The following GABRG1 variants were observed in gnomAD, a reference collection of about 807,000 sequenced individuals.
GABRG1 encodes gamma-aminobutyric acid type A receptor subunit gamma1.
In GABRG1, 49 loss-of-function variants were observed where a neutral mutation model predicts 49.8. That is an observed-to-expected ratio of 0.98 (90% CI 0.78 to 1.25). GABRG1 has a LOEUF of 1.25. GABRG1 is among the 50% of genes most tolerant of loss of function. GABRG1 has a pLI of 0.00. For synonymous variants in GABRG1, 232 were observed against 185.1 expected (o/e 1.25, Z -2.06); for missense variants, 552 against 552.3 (o/e 1.00, Z 0.01).
intron 5 of GABRG1, among the ~76,000 whole-genome samples, chr4:46,062,608 G>A (rs1322616222): frequency 6.6e-6 from 1 of 152,106 alleles, no homozygotes; most frequent in African/African-American, 2.4e-5. Context: ...CTTTTGATTT[G>A]CATTTCTCCA....
At chr4:46,088,056 C>T (rs1719846131) in intron 2 of GABRG1, among the ~76,000 whole-genome samples, 1 of 151,984 alleles carries the variant, frequency 6.6e-6, no homozygotes, top group African/African-American at 2.4e-5. Flanking sequence ...CCAGTGCTTC[C>T]AAAAATGGTC....
chr4:46,051,072 A>G (rs1718198564), intron 8 of GABRG1, among the ~76,000 whole-genome samples: 1 of 151,908 alleles, frequency 6.6e-6, no homozygotes, highest in African/African-American at 2.4e-5. Flanking sequence ...TTAAAGAGGA[A>G]TCTTCATCAC....
intron 2 of GABRG1, among the ~76,000 whole-genome samples, chr4:46,085,086 GA>G (rs985978574): frequency 2.0e-5 from 3 of 151,130 alleles, no homozygotes; most frequent in African/African-American, 4.8e-5. Context: ...TATAATAAGA[GA>G]TTTTTTTTTT....
At chr4:46,095,464 C>G (rs1019394445) in intron 2 of GABRG1, among the ~76,000 whole-genome samples, 1 of 151,546 alleles carries the variant, frequency 6.6e-6, no homozygotes, top group South Asian at 2.1e-4. Context: ...AATTGAACAG[C>G]TCTGAAACAT....
intron 3 of GABRG1, among the ~76,000 whole-genome samples, chr4:46,067,023 G>A (rs1051891047): frequency 6.6e-6 from 1 of 151,620 alleles, no homozygotes; most frequent in African/African-American, 2.4e-5. Flanking sequence ...TGCACTTGAT[G>A]TCGTATTAGC....
At chr4:46,113,113 T>A (rs1435889344) in intron 1 of GABRG1, among the ~76,000 whole-genome samples, 1 of 151,200 alleles carries the variant, frequency 6.6e-6, no homozygotes, top group Non-Finnish European at 1.5e-5. Context: ...CTATTTGCTC[T>A]TCTATCCAAA....
At position 46,040,776 on chromosome 4, in the gene GABRG1, C is replaced by T. The variant is rs1407494584; in HGVS notation, c.*212G>A. 7.4e-6 allele frequency: 3 copies of T among 405,728 alleles called. No homozygotes were observed. The highest frequency in any genetic ancestry group is 8.3e-5 in the Admixed American group (2 of 24,058). 25.1% of individuals were successfully genotyped at this position (405,728 alleles called of 1,614,324 possible). Reference sequence around the variant, plus strand: ...AGTAAAAATATGTGAGTATTTTAACCTACTGGATTTTGCAACTAATCAGTT... The same window carrying T: ...AGTAAAAATATGTGAGTATTTTAACTTACTGGATTTTGCAACTAATCAGTT... On this transcript the variant is annotated 3_prime_UTR_variant, in exon 9 of 9. Coordinates refer to ENST00000295452, the MANE Select transcript of GABRG1 (RefSeq NM_173536.4).
At chr4:46,099,149 C>T (rs569354720) in intron 1 of GABRG1, among the ~76,000 whole-genome samples, 1 of 151,772 alleles carries the variant, frequency 6.6e-6, no homozygotes, top group East Asian at 2.0e-4. Context: ...TCTCACCCTA[C>T]TAACTTTTAA....
intron 7 of GABRG1, among the ~76,000 whole-genome samples, chr4:46,051,897 AT>A (rs988489339): frequency 1.3e-4 from 20 of 151,888 alleles, no homozygotes; most frequent in African/African-American, 3.9e-4. Flanking sequence ...CTCCATTGTA[AT>A]AGAATATCAA....
At chr4:46,060,565 G>A (rs1019307357) in intron 5 of GABRG1, among the ~76,000 whole-genome samples, 10 of 152,028 alleles carry the variant, frequency 6.6e-5, no homozygotes, top group African/African-American at 1.9e-4. Context: ...GTTTTCAACC[G>A]AAAGATTGGT....
intron 8 of GABRG1, among the ~76,000 whole-genome samples, chr4:46,042,074 A>C (rs1371214540): frequency 6.6e-6 from 1 of 152,038 alleles, no homozygotes; most frequent in African/African-American, 2.4e-5. Flanking sequence ...TTTCTTCTGT[A>C]CAAAAATGGC....
At chr4:46,050,227 G>T (rs1434178724) in intron 8 of GABRG1, among the ~76,000 whole-genome samples, 1 of 151,898 alleles carries the variant, frequency 6.6e-6, no homozygotes, top group Non-Finnish European at 1.5e-5. Flanking sequence ...GGAGTCACTG[G>T]CTAATTCTAC....
chr4:46,064,727 T>C (rs914425965), intron 4 of GABRG1, among the ~76,000 whole-genome samples: 2 of 152,098 alleles, frequency 1.3e-5, no homozygotes, highest in Admixed American at 1.3e-4. Flanking sequence ...CAATTTCCTC[T>C]TCAGTCAACT....
chr4:46,099,147 T>G (rs1391175), intron 1 of GABRG1, among the ~76,000 whole-genome samples: 1 of 151,624 alleles, frequency 6.6e-6, no homozygotes, highest in Non-Finnish European at 1.5e-5. Flanking sequence ...CTTCTCACCC[T>G]ACTAACTTTT....
Position 46,040,980 on chromosome 4 carries a change from A to C in GABRG1, c.*8T>G. The C allele has an allele frequency of 6.2e-7, 1 of 1,602,544 alleles. No individual in the cohort carries two copies. The highest frequency in any genetic ancestry group is 8.5e-7 in the Non-Finnish European group (1 of 1,174,146). On this transcript the variant is annotated 3_prime_UTR_variant, in exon 9 of 9. Transcript: ENST00000295452. ...GACTTCTTTTGATTTTTGCTTATGA[A>C]GTAGATTTTATAAGTAAAGATAGCC...
intron 1 of GABRG1, among the ~76,000 whole-genome samples, chr4:46,098,015 G>C (rs1359751090): frequency 6.6e-6 from 1 of 151,636 alleles, no homozygotes; most frequent in Non-Finnish European, 1.5e-5. Context: ...TTTACTAGAA[G>C]TGATATTGGG....
At chr4:46,093,226 G>C (rs796495849) in intron 2 of GABRG1, among the ~76,000 whole-genome samples, 1 of 151,802 alleles carries the variant, frequency 6.6e-6, no homozygotes, top group Non-Finnish European at 1.5e-5. Context: ...TGTAACCATC[G>C]CAAAGAAAAT....
chr4:46,071,133 C>T (rs1419469752), intron 3 of GABRG1, among the ~76,000 whole-genome samples: 1 of 151,938 alleles, frequency 6.6e-6, no homozygotes, highest in Admixed American at 6.6e-5. Flanking sequence ...TATAAACAAA[C>T]CTATTATGCT....
chr4:46,070,128 T>G (rs1381428769), intron 3 of GABRG1, among the ~76,000 whole-genome samples: 1 of 151,932 alleles, frequency 6.6e-6, no homozygotes, highest in Non-Finnish European at 1.5e-5. Context: ...TGGAAGAGCT[T>G]TTTAGCAACT....
Sources: gnomAD v4.1 joint callset for allele counts (sites outside exome capture counted in the v4.1 genomes callset) on GRCh38, gnomAD v4.1.1 for gene constraint, MANE v1.5 for transcripts, NCBI Gene and HGNC (gene_info 2026-07-23, HGNC 2026-07-21) for gene names.